Variants in ATP6V1E2 observed in about 807,000 individuals in gnomAD.
ATP6V1E2 encodes V-type proton ATPase subunit E 2.
For missense variants in ATP6V1E2, 308 were observed against 273.3 expected, an observed-to-expected ratio of 1.13 and a Z score of -0.90; for synonymous variants, 121 against 104.2, an observed-to-expected ratio of 1.16 and a Z score of -0.98.
chr2:46,530,775 C>T lies in ATP6V1E2; in HGVS notation c.-102+5038G>A, dbSNP rs1302443655. ...CAGAAAGCAAAGGGGAAGCAAGACA[C>T]GTCTTACATGGCAGCAGGCAAGAGA... On this transcript the variant is annotated intron_variant, in intron 4 of 4. Transcript: ENST00000522587. The surrounding 1 kb of genome is among the most constrained non-coding windows in gnomAD (Gnocchi z 5.2). Among the ~76,000 whole-genome samples, 1 of 152,218 alleles carries T rather than the reference C, an allele frequency of 6.6e-6. No individual in the cohort carries two copies. Among genetic ancestry groups the T allele is most frequent in the Admixed American group, 6.5e-5 (1 of 15,294 alleles).
At chr2:46,529,406 C>A (rs899926875) in intron 4 of ATP6V1E2, among the ~76,000 whole-genome samples, 1 of 152,204 alleles carries the variant, frequency 6.6e-6, no homozygotes, top group African/African-American at 2.4e-5. Flanking sequence ...CTATTTCTGA[C>A]CCACTCTGCA....
At chr2:46,526,396 G>A (rs1666921538) in intron 4 of ATP6V1E2, among the ~76,000 whole-genome samples, 1 of 152,194 alleles carries the variant, frequency 6.6e-6, no homozygotes. Flanking sequence ...GATTACAGGT[G>A]TGAACCACCA....
At chr2:46,539,962 G>A (rs1277281721) in intron 2 of ATP6V1E2, among the ~76,000 whole-genome samples, 1 of 152,164 alleles carries the variant, frequency 6.6e-6, no homozygotes, top group Non-Finnish European at 1.5e-5. Flanking sequence ...TTCCTTGAAT[G>A]GTTTAGCTAG....
In ATP6V1E2 at chr2:46,539,428, G is replaced by T. The variant is rs142480088; in HGVS notation, c.-310+1962C>A. On this transcript the variant is annotated intron_variant, in intron 2 of 4. Transcript: ENST00000522587. ...TTTGACAAACAGAAGTCACATTTGT[G>T]GTAAGAAAAAAGTGCCCTTCTTGCA... Among the ~76,000 whole-genome samples, 576 of 152,316 alleles carry T rather than the reference G, an allele frequency of 3.8e-3. 8 individuals are homozygous for T. Among genetic ancestry groups the T allele is most frequent in the African/African-American group, 0.013 (560 of 41,568 alleles).
chr2:46,540,613 C>CTTTT lies in ATP6V1E2; in HGVS notation c.-310+773_-310+776dup, dbSNP rs59810518. On this transcript the variant is annotated intron_variant, in intron 2 of 4. Coordinates refer to ENST00000522587, the MANE Select transcript of ATP6V1E2 (RefSeq NM_001318063.2). ...TGAAATTTGAGAGCTTTTTCTGTAACTTTTTTTTTTTTTTTTTTTTTTTTT... is the reference window on the plus strand; with the variant it reads ...TGAAATTTGAGAGCTTTTTCTGTAACTTTTTTTTTTTTTTTTTTTTTTTTTTTTT... 7.3e-4 allele frequency among the ~76,000 whole-genome samples: 84 copies of CTTTT among 115,632 alleles called. 4 individuals carry two copies. Among genetic ancestry groups the CTTTT allele is most frequent in the East Asian group, 6.6e-3 (31 of 4,668 alleles). The allele number at this position is 115,632 out of a possible 152,430, so 75.9% of individuals were successfully genotyped here.
intron 4 of ATP6V1E2, among the ~76,000 whole-genome samples, chr2:46,516,589 A>G (rs1404536535): frequency 6.6e-6 from 1 of 152,218 alleles, no homozygotes; most frequent in African/African-American, 2.4e-5. Flanking sequence ...ATGAGACCCT[A>G]TCTCTAAAAA....
Position 46,540,732 on chromosome 2 carries a change from CA to C in ATP6V1E2, c.-310+657del, listed in dbSNP as rs202056481. Among the ~76,000 whole-genome samples, 491 of 148,742 alleles carry C rather than the reference CA, an allele frequency of 3.3e-3. 5 individuals carry two copies. The highest frequency in any genetic ancestry group is 0.012 in the African/African-American group (465 of 40,118). On this transcript the variant is annotated intron_variant, in intron 2 of 4. Coordinates refer to ENST00000522587, the MANE Select transcript of ATP6V1E2 (RefSeq NM_001318063.2). ...TCCAGCTAAGGCATTCATGGGCTGA[CA>C]GGGGGGCATTCTGGATAGCCCCCCT...
intron 4 of ATP6V1E2, among the ~76,000 whole-genome samples, chr2:46,526,999 C>T (rs749617058): frequency 6.6e-6 from 1 of 152,200 alleles, no homozygotes; most frequent in East Asian, 1.9e-4. Flanking sequence ...CACAGCAATG[C>T]ACATGGGTTC....
intron 4 of ATP6V1E2, among the ~76,000 whole-genome samples, chr2:46,526,530 C>T (rs969170996): frequency 6.6e-6 from 1 of 152,230 alleles, no homozygotes; most frequent in Non-Finnish European, 1.5e-5. Flanking sequence ...CCATTAAACA[C>T]TAATCCCACA....
chr2:46,529,768 G>GATA (rs1431943160), intron 4 of ATP6V1E2, among the ~76,000 whole-genome samples: 4 of 143,990 alleles, frequency 2.8e-5, no homozygotes, highest in Non-Finnish European at 6.2e-5. Flanking sequence ...TGATGATGAT[G>GATA]ATGATGATAA....
At chr2:46,518,531 T>G (rs990164617) in intron 4 of ATP6V1E2, among the ~76,000 whole-genome samples, 1 of 104,846 alleles carries the variant, frequency 9.5e-6, no homozygotes, top group Non-Finnish European at 2.3e-5. Flanking sequence ...ACACAAATGC[T>G]ATCCCAGAAA....
At chr2:46,528,468 G>A (rs139945352) in intron 4 of ATP6V1E2, among the ~76,000 whole-genome samples, 46 of 152,340 alleles carry the variant, frequency 3.0e-4, no homozygotes, top group Admixed American at 1.6e-3. Flanking sequence ...CAGTTTATAT[G>A]GTTAATAGTT....
rs151277950 is a variant in ATP6V1E2 at position 46,530,498 on chromosome 2, C to T, written c.-102+5315G>A. ...CATTATTACCCGCTTTCCCTGGCCA[C>T]CTGCCCTGCACTCTCCTCAAGTGTT... On this transcript the variant is annotated intron_variant, in intron 4 of 4. Coordinates refer to ENST00000522587, the MANE Select transcript of ATP6V1E2 (RefSeq NM_001318063.2). The surrounding 1 kb of genome is among the most constrained non-coding windows in gnomAD (Gnocchi z 5.2). 7.3e-3 allele frequency among the ~76,000 whole-genome samples: 1,110 copies of T among 152,340 alleles called. 6 individuals carry two copies. Among genetic ancestry groups the T allele is most frequent in the Admixed American group, 0.012 (180 of 15,298 alleles).
At chr2:46,520,439 C>A (rs1666558218) in intron 4 of ATP6V1E2, among the ~76,000 whole-genome samples, 1 of 152,252 alleles carries the variant, frequency 6.6e-6, no homozygotes, top group South Asian at 2.1e-4. Context: ...GCACCCACTC[C>A]GCCTGTGCTG....
chr2:46,515,504 C>T (rs1687671790), intron 4 of ATP6V1E2, among the ~76,000 whole-genome samples: 1 of 151,744 alleles, frequency 6.6e-6, no homozygotes, highest in South Asian at 2.1e-4. Flanking sequence ...TTGGAAGTTA[C>T]ACAAAAGAAA....
intron 4 of ATP6V1E2, among the ~76,000 whole-genome samples, chr2:46,520,656 T>G (rs1441210331): frequency 6.6e-6 from 1 of 152,204 alleles, no homozygotes; most frequent in Non-Finnish European, 1.5e-5. Flanking sequence ...TCTGGACTCC[T>G]CCTCCAAATG....
intron 4 of ATP6V1E2, among the ~76,000 whole-genome samples, chr2:46,520,404 C>A (rs769457501): frequency 3.3e-5 from 5 of 152,230 alleles, no homozygotes; most frequent in African/African-American, 7.2e-5. Context: ...TTCTACCCTG[C>A]TGAAGCAGGT....
Position 46,538,045 on chromosome 2 carries a change from C to T in ATP6V1E2, c.-309-1342G>A, listed in dbSNP as rs72875680. On this transcript the variant is annotated intron_variant, in intron 2 of 4. Transcript: ENST00000522587. ...TTATCGTAAAAACCTTGTTCTCTCT[C>T]GCCTCCTCTGTCATCCCCACATCCC... Among the ~76,000 whole-genome samples, 107 of 152,248 alleles carry T rather than the reference C, an allele frequency of 7.0e-4. 1 individual carries two copies. The highest frequency in any genetic ancestry group is 2.2e-3 in the African/African-American group (92 of 41,548).
chr2:46,524,718 GA>G (rs1167270949), intron 4 of ATP6V1E2, among the ~76,000 whole-genome samples: 1 of 152,210 alleles, frequency 6.6e-6, no homozygotes. Flanking sequence ...TAAGCAGAAA[GA>G]AAGTAAGACA....
Sources: allele counts gnomAD v4.1 joint callset (sites outside exome capture counted in the v4.1 genomes callset), GRCh38; gene constraint gnomAD v4.1.1; non-coding constraint Gnocchi (gnomAD v3.1); transcripts MANE v1.5; gene names NCBI Gene and HGNC (gene_info 2026-07-23, HGNC 2026-07-21).